The following ZCWPW1 variants were observed in gnomAD, a reference collection of about 807,000 sequenced individuals.
ZCWPW1 encodes zinc finger CW-type PWWP domain protein 1.
ZCWPW1 carries 56 observed loss-of-function variants against 81.3 expected under a neutral mutation model. The observed-to-expected ratio is 0.69, with a 90% CI of 0.56 to 0.86. The LOEUF (loss-of-function observed/expected upper bound fraction) is 0.86, where lower values mean the gene tolerates loss of function less well. ZCWPW1 is among the 40% of genes least tolerant of loss of function. The pLI, the probability that ZCWPW1 is intolerant of heterozygous loss-of-function variation, is 0.00. For missense variants in ZCWPW1, 650 were observed against 769.8 expected, an observed-to-expected ratio of 0.84 and a Z score of 1.84; for synonymous variants, 250 against 273.7, an observed-to-expected ratio of 0.91 and a Z score of 0.86.
chr7:100,405,144 T>A, intron 12 of ZCWPW1, 51 bp from the exon 13 acceptor site: 1 of 1,580,046 alleles, frequency 6.3e-7, no homozygotes, highest in East Asian at 2.3e-5. Flanking sequence ...AAGATTAGAG[T>A]CATGACCAGG....
intron 8 of ZCWPW1, among the ~76,000 whole-genome samples, chr7:100,412,392 G>A (rs546491636): frequency 6.6e-6 from 1 of 151,996 alleles, no homozygotes. Flanking sequence ...TTCTTCCTCC[G>A]CTCTTTCCCA....
intron 8 of ZCWPW1, among the ~76,000 whole-genome samples, chr7:100,415,407 T>C (rs1308425339): frequency 6.6e-6 from 1 of 151,984 alleles, no homozygotes; most frequent in Non-Finnish European, 1.5e-5. Context: ...TACCATTTTC[T>C]CCCTCTTACT....
chr7:100,405,171 T>C, intron 12 of ZCWPW1, 78 bp from the exon 13 acceptor site: 4 of 1,419,110 alleles, frequency 2.8e-6, no homozygotes, highest in Non-Finnish European at 2.9e-6. Context: ...GGCTCACACC[T>C]GTAATCCCAG....
rs754070445 is a variant in ZCWPW1, at chr7:100,402,060, C to A, written c.1475-19G>T. 1 of 1,590,456 alleles carries A rather than the reference C, an allele frequency of 6.3e-7. No individual in the cohort carries two copies. The highest frequency in any genetic ancestry group is 1.8e-5 in the Admixed American group (1 of 56,168). The stretch of plus-strand genomic sequence containing the variant: ...CCAAGCCCTAGCCGTGAGGGAAATG[C>A]GTTTATTTCTCTCTAAACGACAACT... On this transcript the variant is annotated intron_variant, in intron 16 of 17. Transcript: ENST00000684423.
chr7:100,405,151 C>A, intron 12 of ZCWPW1, 58 bp from the exon 13 acceptor site: 1 of 1,546,868 alleles, frequency 6.5e-7, no homozygotes, highest in Non-Finnish European at 8.8e-7. Context: ...GAGTCATGAC[C>A]AGGTGCGGTG....
chr7:100,419,557 C>CT (rs955934499), intron 4 of ZCWPW1, 73 bp downstream of exon 4: 4 of 1,523,660 alleles, frequency 2.6e-6, no homozygotes, highest in African/African-American at 2.8e-5. Context: ...TGAAAAGACT[C>CT]TGTTTGTCTA....
At chr7:100,406,209 A>G (rs1792969014) in intron 12 of ZCWPW1, among the ~76,000 whole-genome samples, 1 of 152,148 alleles carries the variant, frequency 6.6e-6, no homozygotes, top group Non-Finnish European at 1.5e-5. Flanking sequence ...GCCCCCCAGA[A>G]GGCACCTGGC....
intron 5 of ZCWPW1, 110 bp downstream of exon 5, chr7:100,419,001 C>T: frequency 3.5e-6 from 3 of 845,382 alleles, no homozygotes; most frequent in Non-Finnish European, 5.8e-6. Flanking sequence ...TCTAATATTA[C>T]CTTATTTAGA....
chr7:100,406,102 G>A (rs750193397), intron 12 of ZCWPW1, among the ~76,000 whole-genome samples: 7 of 152,160 alleles, frequency 4.6e-5, no homozygotes, highest in Non-Finnish European at 1.0e-4. Flanking sequence ...CTGAGCCATT[G>A]AGCCTCTGCT....
intron 12 of ZCWPW1, among the ~76,000 whole-genome samples, chr7:100,405,816 G>A (rs1227613842): frequency 6.6e-6 from 1 of 152,056 alleles, no homozygotes; most frequent in African/African-American, 2.4e-5. Context: ...TAGTAGAGAC[G>A]GGGTTTCACC....
At chr7:100,421,457 A>T (rs1451653751) in intron 2 of ZCWPW1, among the ~76,000 whole-genome samples, 1 of 152,170 alleles carries the variant, frequency 6.6e-6, no homozygotes, top group Non-Finnish European at 1.5e-5. Context: ...ACATCATTAT[A>T]ATGTTTATTT....
At chr7:100,410,993 C>T (rs1794043966) in intron 8 of ZCWPW1, among the ~76,000 whole-genome samples, 1 of 152,192 alleles carries the variant, frequency 6.6e-6, no homozygotes, top group African/African-American at 2.4e-5. Flanking sequence ...CCAGAATGAA[C>T]CCTCTCCACC....
Position 100,401,209 on chromosome 7 carries a change from A to G in ZCWPW1, c.1755T>C (p.Ser585=). 1 of 1,614,218 alleles carries G rather than the reference A, an allele frequency of 6.2e-7. No individual in the cohort carries two copies. The highest frequency in any genetic ancestry group is 8.5e-7 in the Non-Finnish European group (1 of 1,180,020). ...LSACKGACPS[S]AKEEPRHREP... ...CCCGGTGTCTGGGCTCTTCTTTCGC[A>G]GATGAGGGGCAGGCCCCCTTACACG... The change falls in exon 18 of 18, where the codon TCT becomes TCC. Residue 585 remains serine (S), a synonymous_variant. Coordinates refer to ENST00000684423, the MANE Select transcript of ZCWPW1 (RefSeq NM_001386010.1).
intron 2 of ZCWPW1, among the ~76,000 whole-genome samples, chr7:100,423,610 T>C (rs1291898610): frequency 1.3e-5 from 2 of 152,190 alleles, no homozygotes; most frequent in Non-Finnish European, 2.9e-5. Context: ...AGCAACGACG[T>C]TTCCTTTATA....
rs747574567 is a variant in ZCWPW1 at position 100,417,073 on chromosome 7, C to T, written c.472G>A (p.Ala158Thr). 2.5e-6 allele frequency: 4 copies of T among 1,613,100 alleles called. No individual in the cohort carries two copies. The highest frequency in any genetic ancestry group is 1.3e-5 in the African/African-American group (1 of 74,992). Residue 158 changes from alanine (A) to threonine (T), a missense_variant, in exon 6 of 18, where the codon GCT becomes ACT. Ala to Thr is a moderately conservative substitution (Grantham distance 58, BLOSUM62 0). Coordinates refer to ENST00000684423, the MANE Select transcript of ZCWPW1 (RefSeq NM_001386010.1). ...ITASATDTDN[A>T]NGEEVPHTQE... ...TCACTGAAATAAACTTACCCATTAG[C>T]ATTATCAGTATCAGTAGCAGAAGCA...
At chr7:100,427,340 A>G (rs1425467514) in intron 1 of ZCWPW1, among the ~76,000 whole-genome samples, 1 of 149,930 alleles carries the variant, frequency 6.7e-6, no homozygotes, top group Non-Finnish European at 1.5e-5. Context: ...AGGCGGGTGG[A>G]TCACCTTAAG....
At chr7:100,419,007 T>G (rs1316200455) in intron 5 of ZCWPW1, 104 bp downstream of exon 5, 7 of 895,684 alleles carry the variant, frequency 7.8e-6, no homozygotes, top group Non-Finnish European at 1.1e-5. Flanking sequence ...ATTACCTTAT[T>G]TAGAAGATGG....
chr7:100,424,617 A>AC (rs1317911702), intron 2 of ZCWPW1, among the ~76,000 whole-genome samples: 1 of 151,768 alleles, frequency 6.6e-6, no homozygotes, highest in African/African-American at 2.4e-5. Flanking sequence ...GCGCACCACC[A>AC]CCCCCAGCTA....
rs1173552417 is a variant in ZCWPW1, at chr7:100,404,187, C to T, written c.1312G>A (p.Glu438Lys). 2.5e-6 allele frequency: 4 copies of T among 1,614,132 alleles called. No homozygotes were observed. Among genetic ancestry groups the T allele is most frequent in the Non-Finnish European group, 3.4e-6 (4 of 1,179,998 alleles). ...CCTCCATTTATCCTACCTTTTCTTT[C>T]CCCATTACTGTTAGATCCGTTGAAT... Reference protein sequence around the residue: ...SRFNGSNSNGERKDLQLSGLN... With the variant: ...SRFNGSNSNGKRKDLQLSGLN... Residue 438 changes from glutamate (E) to lysine (K), a missense_variant, in exon 14 of 18, where the codon GAA becomes AAA. Physicochemically the swap from Glu to Lys is moderately conservative, Grantham distance 56. Coordinates refer to ENST00000684423, the MANE Select transcript of ZCWPW1 (RefSeq NM_001386010.1).
Sources: allele counts gnomAD v4.1 joint callset (sites outside exome capture counted in the v4.1 genomes callset), GRCh38; gene constraint gnomAD v4.1.1; transcripts MANE v1.5; gene names NCBI Gene and HGNC (gene_info 2026-07-23, HGNC 2026-07-21).